Variants in SYNPO observed in about 807,000 individuals in gnomAD.
SYNPO encodes the protein synaptopodin.
In SYNPO, 19 loss-of-function variants were observed where a neutral mutation model predicts 49.5. That is an observed-to-expected ratio of 0.38 (90% CI 0.27 to 0.56). The LOEUF (loss-of-function observed/expected upper bound fraction) is 0.56. SYNPO is among the 20% of genes least tolerant of loss of function. The probability of loss-of-function intolerance (pLI) is 0.68; values close to 1 mark genes in which losing one functional copy is unlikely to be tolerated. For missense variants in SYNPO, 1,131 were observed against 1,248.3 expected (o/e 0.91, Z 1.42); for synonymous variants, 536 against 548.0 (o/e 0.98, Z 0.31).
intron 1 of SYNPO, among the ~76,000 whole-genome samples, chr5:150,609,958 C>T (rs1490490457): frequency 6.6e-6 from 1 of 152,244 alleles, no homozygotes; most frequent in African/African-American, 2.4e-5. Flanking sequence ...TGCCACACCC[C>T]TGCCTGACCT....
intron 1 of SYNPO, among the ~76,000 whole-genome samples, chr5:150,611,120 A>G (rs1266628207): frequency 6.6e-6 from 1 of 152,180 alleles, no homozygotes; most frequent in Non-Finnish European, 1.5e-5. Context: ...CTTTATCTTA[A>G]TGACACGTAG....
upstream of SYNPO, among the ~76,000 whole-genome samples, chr5:150,636,167 T>C (rs924137595): frequency 6.6e-6 from 1 of 152,200 alleles, no homozygotes; most frequent in Admixed American, 6.6e-5. Flanking sequence ...TAATAAATAC[T>C]TGTTGAATGA....
chr5:150,636,504 C>T (rs1757719556), upstream of SYNPO, among the ~76,000 whole-genome samples: 1 of 152,174 alleles, frequency 6.6e-6, no homozygotes, highest in South Asian at 2.1e-4. Flanking sequence ...TGTGACAGGA[C>T]AGACCCTGGA....
At chr5:150,632,479 G>T (rs189180985) in intron 2 of SYNPO, among the ~76,000 whole-genome samples, 1 of 152,216 alleles carries the variant, frequency 6.6e-6, no homozygotes, top group Non-Finnish European at 1.5e-5. Context: ...TGAACAAGGA[G>T]GGGGAGGAGT....
chr5:150,605,916 C>T (rs903276868), intron 1 of SYNPO, among the ~76,000 whole-genome samples: 14 of 152,042 alleles, frequency 9.2e-5, no homozygotes, highest in Admixed American at 5.9e-4. Flanking sequence ...TGCATACATA[C>T]GTACCCAGAG....
At chr5:150,594,031 T>C in the SYNPO span, among the ~76,000 whole-genome samples, 3 of 152,184 alleles carry the variant, frequency 2.0e-5, no homozygotes, top group Admixed American at 2.0e-4. Context: ...GTGTCCCTGC[T>C]GGGTGGAGGG....
At chr5:150,617,305 TG>T (rs777087738) in intron 1 of SYNPO, among the ~76,000 whole-genome samples, 2,718 of 129,666 alleles carry the variant, frequency 0.021, 63 homozygotes, top group African/African-American at 0.098. Flanking sequence ...CATCTTCTTT[TG>T]TTTTTTTTGG....
In SYNPO at chr5:150,649,398, G is replaced by A. The variant is rs1048134042; in HGVS notation, c.1123G>A (p.Gly375Ser). ...GILEESMARR[G>S]SRKSMFTFVE... Reference sequence around the variant, plus strand: ...TCTGGAGGAGTCGATGGCCCGCCGGGGCAGCCGCAAATCCATGTTTACTTT... The same window carrying A: ...TCTGGAGGAGTCGATGGCCCGCCGGAGCAGCCGCAAATCCATGTTTACTTT... Residue 375 changes from glycine to serine, a missense_variant, in exon 2 of 3, where the codon GGC becomes AGC. Transcript: ENST00000307662. 2 of 1,614,162 alleles carry A rather than the reference G, an allele frequency of 1.2e-6. No individual in the cohort carries two copies. Among genetic ancestry groups the A allele is most frequent in the East Asian group, 2.2e-5 (1 of 44,870 alleles).
At chr5:150,594,033 G>C in the SYNPO span, among the ~76,000 whole-genome samples, 1,221 of 152,276 alleles carry the variant, frequency 8.0e-3, 15 homozygotes, top group African/African-American at 0.028. Flanking sequence ...GTCCCTGCTG[G>C]GTGGAGGGGC....
Position 150,656,606 on chromosome 5 carries a change from C to A in SYNPO, c.2231C>A (p.Thr744Asn), listed in dbSNP as rs1758563591. The A allele has an allele frequency of 6.6e-7, 1 of 1,515,524 alleles. No homozygotes were observed. Among genetic ancestry groups the A allele is most frequent in the East Asian group, 2.6e-5 (1 of 38,190 alleles). The allele number at this position is 1,515,524 out of a possible 1,614,324, so 93.9% of individuals were successfully genotyped here. A position where few individuals can be genotyped will look rare whatever the true frequency, so the allele number is the denominator to read the frequency against. The change falls in exon 3 of 3, where the codon ACC (threonine) becomes AAC (asparagine). Residue 744 changes from threonine (T) to asparagine (N), a missense_variant. Thr to Asn is a moderately conservative substitution (Grantham distance 65, BLOSUM62 0). Coordinates refer to ENST00000307662, the MANE Select transcript of SYNPO (RefSeq NM_007286.6). ...ERSVSPLRPE[T>N]EARPPSRQLQ... ...TCGGTGTCCCCGCTGCGACCTGAGA[C>A]CGAGGCGCGGCCCCCCAGCCGCCAG... is the stretch of plus-strand genomic sequence containing the variant.
intron 1 of SYNPO, among the ~76,000 whole-genome samples, chr5:150,603,261 C>A (rs1326906433): frequency 4.6e-5 from 7 of 152,234 alleles, no homozygotes; most frequent in Admixed American, 4.6e-4. Flanking sequence ...CCACCCTGGC[C>A]TTGGCCTTTC....
chr5:150,626,134 G>A (rs1003317150), intron 2 of SYNPO, among the ~76,000 whole-genome samples: 1 of 144,888 alleles, frequency 6.9e-6, no homozygotes, highest in Non-Finnish European at 1.5e-5. Context: ...CCTTACTGGC[G>A]CCAGCCTGCC....
chr5:150,613,588 C>T (rs1363658901), intron 1 of SYNPO, among the ~76,000 whole-genome samples: 1 of 152,164 alleles, frequency 6.6e-6, no homozygotes, highest in Admixed American at 6.5e-5. Flanking sequence ...AGGTGAGCAA[C>T]ACAGTCAGAG....
intron 2 of SYNPO, among the ~76,000 whole-genome samples, chr5:150,632,472 A>G (rs1011843310): frequency 2.0e-5 from 3 of 152,186 alleles, no homozygotes; most frequent in Non-Finnish European, 2.9e-5. Context: ...CATCCCATGA[A>G]CAAGGAGGGG....
At chr5:150,597,951 G>A (rs879471942), upstream of SYNPO, among the ~76,000 whole-genome samples, 1 of 152,098 alleles carries the variant, frequency 6.6e-6, no homozygotes, top group Admixed American at 6.6e-5. Flanking sequence ...ACTAAATTTG[G>A]CATGAATATA....
rs114253473 is a variant in SYNPO at position 150,607,357 on chromosome 5, G to A, written c.-266+6169G>A. Reference sequence around the variant, plus strand: ...TATGGTCTTACAATGCTCTGTGCTGGTCTGGGTTTCCTGTAATATTGGGGT... The same window carrying A: ...TATGGTCTTACAATGCTCTGTGCTGATCTGGGTTTCCTGTAATATTGGGGT... On this transcript the variant is annotated intron_variant, in intron 1 of 2. Coordinates refer to the SYNPO transcript ENST00000394243. 4.6e-3 allele frequency among the ~76,000 whole-genome samples: 693 copies of A among 152,292 alleles called. 6 individuals carry two copies. Among genetic ancestry groups the A allele is most frequent in the African/African-American group, 0.015 (640 of 41,562 alleles).
intron 1 of SYNPO, among the ~76,000 whole-genome samples, chr5:150,615,619 C>G (rs1756964489): frequency 6.6e-6 from 1 of 152,250 alleles, no homozygotes; most frequent in Non-Finnish European, 1.5e-5. Context: ...AAAGCACCTG[C>G]CCCAGTTCAC....
the SYNPO span, among the ~76,000 whole-genome samples, chr5:150,594,901 C>T: frequency 6.6e-6 from 1 of 152,118 alleles, no homozygotes; most frequent in Admixed American, 6.6e-5. Context: ...TTGCAAGGGG[C>T]TTCAGTGGGG....
At chr5:150,642,883 A>T (rs939521980) in intron 1 of SYNPO, among the ~76,000 whole-genome samples, 2 of 152,062 alleles carry the variant, frequency 1.3e-5, no homozygotes, top group Non-Finnish European at 2.9e-5. Context: ...AAGCTCAGAG[A>T]GGTGGTGGTG....
Sources: gnomAD v4.1 joint callset for allele counts (sites outside exome capture counted in the v4.1 genomes callset) on GRCh38, gnomAD v4.1.1 for gene constraint, MANE v1.5 for transcripts, NCBI Gene and HGNC (gene_info 2026-07-23, HGNC 2026-07-21) for gene names.